VSTM2B: variants seen among roughly 807,000 people sequenced by gnomAD.
VSTM2B encodes V-set and transmembrane domain containing 2B.
VSTM2B carries 24 observed loss-of-function variants against 24.0 expected under a neutral mutation model. That is an observed-to-expected ratio of 1.00 (90% CI 0.72 to 1.40). The LOEUF (loss-of-function observed/expected upper bound fraction) is 1.40, where lower values mean the gene tolerates loss of function less well. Among genes scored for constraint, VSTM2B ranks in the 40% most tolerant of loss-of-function variants. The probability of loss-of-function intolerance (pLI) is 0.00; values close to 1 mark genes in which losing one functional copy is unlikely to be tolerated. For missense variants in VSTM2B, 399 were observed against 416.4 expected, an observed-to-expected ratio of 0.96 and a Z score of 0.36; for synonymous variants, 226 against 194.4, an observed-to-expected ratio of 1.16 and a Z score of -1.35.
At position 29,529,939 on chromosome 19, in the gene VSTM2B, C is replaced by A; in HGVS notation, c.418C>A (p.His140Asn). Residue 140 changes from histidine (H) to asparagine (N), a missense_variant, in exon 4 of 5, where the codon CAC (histidine) becomes AAC (asparagine). Transcript: ENST00000335523. ...CTACAGCGACGACGACACGCAGGAGCACAAGGCCCAGGCGATGCTGCGCGT... is the reference window on the plus strand; with the variant it reads ...CTACAGCGACGACGACACGCAGGAGAACAAGGCCCAGGCGATGCTGCGCGT... Reference protein sequence around the residue: ...SDYSDDDTQEHKAQAMLRVLS... With the variant: ...SDYSDDDTQENKAQAMLRVLS... The A allele has an allele frequency of 1.3e-6, 2 of 1,549,816 alleles. No homozygotes were observed. Among genetic ancestry groups the A allele is most frequent in the South Asian group, 2.4e-5 (2 of 84,044 alleles).
intron 4 of VSTM2B, among the ~76,000 whole-genome samples, chr19:29,545,902 CTG>C (rs1184357432): frequency 1.3e-5 from 2 of 152,158 alleles, no homozygotes; most frequent in African/African-American, 4.8e-5. Context: ...AAACGGCACT[CTG>C]GGCAGCCACG....
At chr19:29,551,523 C>T (rs1039642231) in intron 4 of VSTM2B, among the ~76,000 whole-genome samples, 2 of 152,062 alleles carry the variant, frequency 1.3e-5, no homozygotes, top group Non-Finnish European at 2.9e-5. Context: ...TCAAATGGCT[C>T]CAGCGTGTCT....
chr19:29,556,502 C>G (rs534073360), intron 4 of VSTM2B, among the ~76,000 whole-genome samples: 37 of 152,316 alleles, frequency 2.4e-4, no homozygotes, highest in African/African-American at 8.9e-4. Context: ...CTCACCACTC[C>G]TATTCACCAT....
intron 4 of VSTM2B, among the ~76,000 whole-genome samples, chr19:29,531,808 C>T (rs1037853663): frequency 2.0e-5 from 3 of 152,234 alleles, no homozygotes; most frequent in Non-Finnish European, 2.9e-5. Flanking sequence ...TGGCTTGACA[C>T]AATTCAAATT....
At chr19:29,563,026 G>A (rs1282134563) in intron 4 of VSTM2B, among the ~76,000 whole-genome samples, 2 of 152,096 alleles carry the variant, frequency 1.3e-5, no homozygotes, top group Non-Finnish European at 2.9e-5. Context: ...CAAGGTTGCT[G>A]TGGAAAAAAG....
chr19:29,529,671 G>A, intron 3 of VSTM2B, 148 bp from the exon 4 acceptor site: 2 of 798,264 alleles, frequency 2.5e-6, no homozygotes, highest in South Asian at 1.7e-5. Context: ...GGTAGACGCG[G>A]GTGAAAGGGA....
chr19:29,536,197 C>T (rs1050851946), intron 4 of VSTM2B, among the ~76,000 whole-genome samples: 24 of 152,200 alleles, frequency 1.6e-4, no homozygotes, highest in African/African-American at 5.5e-4. Flanking sequence ...CCAGAGATGG[C>T]AGTGTGGACC....
chr19:29,563,521 G>A (rs1205768823), intron 4 of VSTM2B, among the ~76,000 whole-genome samples: 1 of 152,100 alleles, frequency 6.6e-6, no homozygotes, highest in Non-Finnish European at 1.5e-5. Context: ...GGGATTACAG[G>A]CATAATCAAC....
chr19:29,539,772 A>G (rs1272114012), intron 4 of VSTM2B, among the ~76,000 whole-genome samples: 1 of 152,232 alleles, frequency 6.6e-6, no homozygotes, highest in African/African-American at 2.4e-5. Context: ...CAGGACAGAG[A>G]TACCACCTCT....
chr19:29,546,677 C>G (rs929069214), intron 4 of VSTM2B, among the ~76,000 whole-genome samples: 1 of 150,098 alleles, frequency 6.7e-6, no homozygotes, highest in African/African-American at 2.5e-5. Flanking sequence ...GGAGCCCCCA[C>G]CCCCACCCCG....
At chr19:29,551,043 T>C (rs1199769332) in intron 4 of VSTM2B, among the ~76,000 whole-genome samples, 1 of 152,146 alleles carries the variant, frequency 6.6e-6, no homozygotes, top group Non-Finnish European at 1.5e-5. Flanking sequence ...AGGGAAGCCA[T>C]CCATACTTCT....
At chr19:29,544,070 G>C (rs903484762) in intron 4 of VSTM2B, among the ~76,000 whole-genome samples, 1 of 151,582 alleles carries the variant, frequency 6.6e-6, no homozygotes, top group Admixed American at 6.6e-5. Flanking sequence ...TGCTTTAAAA[G>C]ATTTAAAAGC....
rs1267230605 is a variant in VSTM2B, at chr19:29,529,999, G to A, written c.478G>A (p.Ala160Thr). Reference sequence around the variant, plus strand: ...CTTCGCGCCGCCCAACATGCAGGCCGCCGAGGCCGTGTCCCACATCCAGAG... The same window carrying A: ...CTTCGCGCCGCCCAACATGCAGGCCACCGAGGCCGTGTCCCACATCCAGAG... Reference protein sequence around the residue: ...SRFAPPNMQAAEAVSHIQSSG... With the variant: ...SRFAPPNMQATEAVSHIQSSG... The change falls in exon 4 of 5, where the codon GCC becomes ACC. Residue 160 changes from alanine to threonine, a missense_variant. Transcript: ENST00000335523. 6.5e-6 allele frequency: 10 copies of A among 1,541,464 alleles called. No individual in the cohort carries two copies. Among genetic ancestry groups the A allele is most frequent in the African/African-American group, 2.7e-5 (2 of 73,010 alleles).
intron 3 of VSTM2B, chr19:29,528,901 T>A: frequency 1.0e-6 from 1 of 985,060 alleles, no homozygotes; most frequent in Admixed American, 6.1e-5. Flanking sequence ...CAACCCTTTA[T>A]CCTCCGCCTG....
intron 4 of VSTM2B, among the ~76,000 whole-genome samples, chr19:29,531,263 C>T (rs1326650071): frequency 6.6e-6 from 1 of 152,224 alleles, no homozygotes; most frequent in Non-Finnish European, 1.5e-5. Flanking sequence ...GGCCCCTCTC[C>T]TCAGTCTTGT....
At position 29,564,448 on chromosome 19, in the gene VSTM2B, ATATT is replaced by A. The variant is rs1182022332; in HGVS notation, c.*520_*523del. The A allele has an allele frequency of 2.0e-5, 3 of 152,360 alleles. No homozygotes were observed. Among genetic ancestry groups the A allele is most frequent in the Non-Finnish European group, 4.4e-5 (3 of 68,188 alleles). The allele number at this position is 152,360 out of a possible 1,614,324, so 9.4% of individuals were successfully genotyped here. A position where few individuals can be genotyped will look rare whatever the true frequency, so the allele number is the denominator to read the frequency against. On this transcript the variant is annotated 3_prime_UTR_variant, in exon 5 of 5. Coordinates refer to ENST00000335523, the MANE Select transcript of VSTM2B (RefSeq NM_001146339.2). Reference sequence around the variant, plus strand: ...TCATAATTAAAATTCACTGTCAATAATATTTATTTTTAAATAAAGATTGGAAACA... The same window carrying A: ...TCATAATTAAAATTCACTGTCAATAATATTTTTAAATAAAGATTGGAAACA...
At chr19:29,555,335 A>C (rs968674038) in intron 4 of VSTM2B, among the ~76,000 whole-genome samples, 1 of 152,238 alleles carries the variant, frequency 6.6e-6, no homozygotes, top group African/African-American at 2.4e-5. Flanking sequence ...TTAAGACAGA[A>C]ATCAAGAAGT....
In VSTM2B at chr19:29,534,846, C is replaced by T. The variant is rs188633745; in HGVS notation, c.769+4556C>T. Among the ~76,000 whole-genome samples, 17 of 152,294 alleles carry T rather than the reference C, an allele frequency of 1.1e-4. No homozygotes were observed. The East Asian group carries it at 2.9e-3, about 26-fold the overall frequency. ...ATAGTCCCCCATTAAGCGATCGTTC[C>T]TGGAAGGAAGTCAGAAAAAAAGTCC... On this transcript the variant is annotated intron_variant, in intron 4 of 4. Transcript: ENST00000335523.
In VSTM2B at chr19:29,534,952, G is replaced by A. The variant is rs147358073; in HGVS notation, c.769+4662G>A. ...CTCCAGCCCTCATCCATTAGCTACC[G>A]CACAGCCAGGCAAGAAAGCCCTTCC... is the stretch of plus-strand genomic sequence containing the variant. On this transcript the variant is annotated intron_variant, in intron 4 of 4. Coordinates refer to ENST00000335523, the MANE Select transcript of VSTM2B (RefSeq NM_001146339.2). 4.8e-3 allele frequency among the ~76,000 whole-genome samples: 736 copies of A among 152,240 alleles called. 12 individuals are homozygous for A. Among genetic ancestry groups the A allele is most frequent in the African/African-American group, 0.017 (712 of 41,534 alleles).
Sources: gnomAD v4.1 joint callset for allele counts (sites outside exome capture counted in the v4.1 genomes callset) on GRCh38, gnomAD v4.1.1 for gene constraint, MANE v1.5 for transcripts, NCBI Gene and HGNC (gene_info 2026-07-23, HGNC 2026-07-21) for gene names.